Variants in RSPH4A observed in about 807,000 individuals in gnomAD.
RSPH4A encodes the protein radial spoke head component 4A.
RSPH4A carries 47 observed loss-of-function variants against 71.0 expected under a neutral mutation model. The ratio of observed to expected loss-of-function variants is 0.66; its 90% CI spans 0.52 to 0.84. RSPH4A has a LOEUF of 0.84. RSPH4A is among the 40% of genes least tolerant of loss of function. The probability of loss-of-function intolerance (pLI) is 0.00; values close to 1 mark genes in which losing one functional copy is unlikely to be tolerated. For missense variants in RSPH4A, 793 were observed against 855.2 expected, an observed-to-expected ratio of 0.93 and a Z score of 0.91; for synonymous variants, 282 against 302.3, an observed-to-expected ratio of 0.93 and a Z score of 0.70.
Position 116,632,375 on chromosome 6 carries a change from A to G in RSPH4A, c.2085A>G (p.Ala695=), listed in dbSNP as rs1295125738. ...EEQAFRAAQE[A]VLLAAENEES... Reference sequence around the variant, plus strand: ...AGGCTTTCAGGGCTGCACAAGAAGCAGTTCTACTCGCAGCTGAGAATGAAG... The same window carrying G: ...AGGCTTTCAGGGCTGCACAAGAAGCGGTTCTACTCGCAGCTGAGAATGAAG... Residue 695 remains alanine (A), a synonymous_variant, in exon 6 of 6, where the codon GCA becomes GCG. Transcript: ENST00000229554. The G allele has an allele frequency of 6.2e-7, 1 of 1,614,000 alleles. No homozygotes were observed. The highest frequency in any genetic ancestry group is 8.5e-7 in the Non-Finnish European group (1 of 1,180,012).
chr6:116,628,336 T>C lies in RSPH4A; in HGVS notation c.1629T>C (p.Asn543=), dbSNP rs771260623. The change falls in exon 3 of 6, where the codon AAT becomes AAC. Residue 543 remains asparagine (N), a synonymous_variant. Transcript: ENST00000229554. The part of the protein sequence containing the change: ...QVIDLVESLS[N]WVHHVQHILS... ...TTGATCTAGTAGAATCCCTATCCAA[T>C]TGGGTTCATCATGTACAGCATATTC... The C allele has an allele frequency of 6.2e-7, 1 of 1,613,066 alleles. No homozygotes were observed. Among genetic ancestry groups the C allele is most frequent in the Non-Finnish European group, 8.5e-7 (1 of 1,179,806 alleles).
rs767593671 is a variant in RSPH4A, at chr6:116,617,118, C to T, written c.495C>T (p.Asp165=). Residue 165 remains aspartate, a synonymous_variant, in exon 1 of 6, where the codon GAC becomes GAT. Transcript: ENST00000229554. ...AACCCCACCTGTGTGGACGAAGGGACGTGAGCTATAACAACGCTAAACAGA... is the reference window on the plus strand; with the variant it reads ...AACCCCACCTGTGTGGACGAAGGGATGTGAGCTATAACAACGCTAAACAGA... ...QPKPHLCGRR[D]VSYNNAKQKE... The T allele has an allele frequency of 9.3e-6, 15 of 1,614,060 alleles. No individual in the cohort carries two copies. The Admixed American group carries it at 2.0e-4, about 22-fold the overall frequency.
chr6:116,631,998 T>C (rs1775811872), intron 5 of RSPH4A, among the ~76,000 whole-genome samples: 1 of 152,152 alleles, frequency 6.6e-6, no homozygotes, highest in Admixed American at 6.5e-5. Context: ...CATGGTTTTT[T>C]TTTTTAACCA....
chr6:116,632,368 A>G lies in RSPH4A; in HGVS notation c.2078A>G (p.Gln693Arg), dbSNP rs1254856122. 2 of 1,614,026 alleles carry G rather than the reference A, an allele frequency of 1.2e-6. No homozygotes were observed. Among genetic ancestry groups the G allele is most frequent in the Non-Finnish European group, 1.7e-6 (2 of 1,180,022 alleles). ...VEEEQAFRAA[Q>R]EAVLLAAENE... ...GAGGAGCAGGCTTTCAGGGCTGCAC[A>G]AGAAGCAGTTCTACTCGCAGCTGAG... is the stretch of plus-strand genomic sequence containing the variant. Residue 693 changes from glutamine to arginine, a missense_variant, in exon 6 of 6, where the codon CAA becomes CGA. Gln to Arg is a conservative substitution (Grantham distance 43). Coordinates refer to ENST00000229554, the MANE Select transcript of RSPH4A (RefSeq NM_001010892.3).
At chr6:116,617,381 T>A in intron 1 of RSPH4A, 72 bp downstream of exon 1, 1 of 1,047,292 alleles carries the variant, frequency 9.5e-7, no homozygotes, top group Non-Finnish European at 1.4e-6. Flanking sequence ...TGTGTGAGAG[T>A]GTGTTTCTGT....
At chr6:116,624,802 T>C (rs1292929329) in intron 2 of RSPH4A, among the ~76,000 whole-genome samples, 8 of 152,236 alleles carry the variant, frequency 5.3e-5, no homozygotes, top group Admixed American at 2.6e-4. Flanking sequence ...CATTTATTCA[T>C]ACACTATGTG....
Position 116,632,223 on chromosome 6 carries a change from T to C in RSPH4A, c.1933T>C (p.Tyr645His). 4 of 1,610,664 alleles carry C rather than the reference T, an allele frequency of 2.5e-6. No homozygotes were observed. The highest frequency in any genetic ancestry group is 2.2e-5 in the South Asian group (2 of 90,778). ...FSNGKKFENF[Y>H]IGWGHKYSPD... ...TACTTATAGAAAGTTTGAAAATTTC[T>C]ACATAGGCTGGGGTCATAAGTATAG... The change falls in exon 6 of 6, where the codon TAC becomes CAC. Residue 645 changes from tyrosine to histidine, a missense_variant. Transcript: ENST00000229554.
chr6:116,629,162 T>C (rs1775751717), intron 3 of RSPH4A, among the ~76,000 whole-genome samples: 1 of 152,136 alleles, frequency 6.6e-6, no homozygotes, highest in Non-Finnish European at 1.5e-5. Flanking sequence ...TGAGACATTA[T>C]AAACCCTAAA....
At chr6:116,623,616 G>A (rs1775649099) in intron 2 of RSPH4A, among the ~76,000 whole-genome samples, 1 of 152,060 alleles carries the variant, frequency 6.6e-6, no homozygotes, top group South Asian at 2.1e-4. Flanking sequence ...AAGGTGCCTG[G>A]TACAGATCTG....
chr6:116,622,897 A>G lies in RSPH4A; in HGVS notation c.816A>G (p.Gln272=), dbSNP rs1401966962. Residue 272 remains glutamine (Q), a synonymous_variant, in exon 2 of 6, where the codon CAA becomes CAG. Coordinates refer to ENST00000229554, the MANE Select transcript of RSPH4A (RefSeq NM_001010892.3). Reference sequence around the variant, plus strand: ...TTAGTAAAAAATTTGATGCACTACAAAATGAGAATGAGTTGCTTCCAACAT... The same window carrying G: ...TTAGTAAAAAATTTGATGCACTACAGAATGAGAATGAGTTGCTTCCAACAT... ...AHFSKKFDAL[Q]NENELLPTYE... is the part of the protein sequence containing the mutation. The G allele has an allele frequency of 1.8e-5, 29 of 1,613,760 alleles. No individual in the cohort carries two copies. Among genetic ancestry groups the G allele is most frequent in the Non-Finnish European group, 2.4e-5 (28 of 1,179,798 alleles).
intron 4 of RSPH4A, 77 bp downstream of exon 4, chr6:116,629,779 A>T: frequency 7.4e-7 from 1 of 1,358,992 alleles, no homozygotes; most frequent in Non-Finnish European, 1.0e-6. Context: ...AGTAAATATG[A>T]GAGTCGGAAA....
chr6:116,618,265 A>G (rs1321185228), intron 1 of RSPH4A, among the ~76,000 whole-genome samples: 1 of 152,162 alleles, frequency 6.6e-6, no homozygotes, highest in African/African-American at 2.4e-5. Context: ...AACACTACTA[A>G]AAAGCTTATT....
chr6:116,623,086 G>A (rs1193659174), intron 2 of RSPH4A, 84 bp downstream of exon 2: 1 of 871,914 alleles, frequency 1.1e-6, no homozygotes, highest in Non-Finnish European at 1.9e-6. Context: ...CATACCAACT[G>A]TATTTTATAG....
rs546592844 is a variant in RSPH4A, at chr6:116,629,645, G to C, written c.1741G>C (p.Asp581His). ...EEEDEEKDDS[D>H]YIEQEVGLPL... Reference sequence around the variant, plus strand: ...AGAAGATGAAGAAAAAGACGATTCTGACTACATAGAACAGGAAGTGGGGCT... The same window carrying C: ...AGAAGATGAAGAAAAAGACGATTCTCACTACATAGAACAGGAAGTGGGGCT... The change falls in exon 4 of 6, where the codon GAC becomes CAC. Residue 581 changes from aspartate (D) to histidine (H), a missense_variant. By Grantham distance (81) the Asp-to-His change is moderately conservative (BLOSUM62 -1). Transcript: ENST00000229554. The C allele has an allele frequency of 2.0e-5, 33 of 1,613,328 alleles. No individual in the cohort carries two copies. The highest frequency in any genetic ancestry group is 2.6e-5 in the Non-Finnish European group (31 of 1,179,416).
chr6:116,628,592 C>T (rs1014249245), intron 3 of RSPH4A, among the ~76,000 whole-genome samples: 1 of 152,124 alleles, frequency 6.6e-6, no homozygotes, highest in Non-Finnish European at 1.5e-5. Context: ...TCCAAACAGA[C>T]TTTATTTTCT....
chr6:116,625,696 A>G lies in RSPH4A; in HGVS notation c.922-1933A>G, dbSNP rs189664816. Reference sequence around the variant, plus strand: ...AACAAATTTTTATGTGCTAGAATCAATAGGAATCTAACTACTTAAATATTG... The same window carrying G: ...AACAAATTTTTATGTGCTAGAATCAGTAGGAATCTAACTACTTAAATATTG... On this transcript the variant is annotated intron_variant, in intron 2 of 5. Transcript: ENST00000229554. Among the ~76,000 whole-genome samples the G allele has an allele frequency of 4.2e-3, 635 of 152,364 alleles. 3 individuals are homozygous for G. The highest frequency in any genetic ancestry group is 0.014 in the African/African-American group (589 of 41,590).
intron 2 of RSPH4A, among the ~76,000 whole-genome samples, chr6:116,625,354 A>G (rs1376662457): frequency 6.6e-6 from 1 of 152,208 alleles, no homozygotes; most frequent in East Asian, 1.9e-4. Flanking sequence ...AGGAAAGATT[A>G]TTTAATGTTT....
At chr6:116,623,847 T>G (rs1031584887) in intron 2 of RSPH4A, among the ~76,000 whole-genome samples, 1 of 152,180 alleles carries the variant, frequency 6.6e-6, no homozygotes, top group African/African-American at 2.4e-5. Context: ...AAATACTTTT[T>G]AAAATCTTCA....
chr6:116,625,357 T>C (rs1475531181), intron 2 of RSPH4A, among the ~76,000 whole-genome samples: 2 of 152,192 alleles, frequency 1.3e-5, no homozygotes. Flanking sequence ...AAAGATTATT[T>C]AATGTTTGGA....
Sources: gnomAD v4.1 joint callset for allele counts (sites outside exome capture counted in the v4.1 genomes callset) on GRCh38, gnomAD v4.1.1 for gene constraint, MANE v1.5 for transcripts, NCBI Gene and HGNC (gene_info 2026-07-23, HGNC 2026-07-21) for gene names.